The following MTF2 variants were observed in gnomAD, a reference collection of about 807,000 sequenced individuals.
The protein encoded by MTF2 is metal response element binding transcription factor 2.
A neutral mutation model predicts 79.5 loss-of-function variants in MTF2; 11 were observed. That is an observed-to-expected ratio of 0.14 (90% CI 0.09 to 0.23). The LOEUF (loss-of-function observed/expected upper bound fraction) is 0.23. Ranked by LOEUF, MTF2 falls within the 10% of genes least tolerant of loss-of-function variation. MTF2 has a pLI of 1.00. For missense variants in MTF2, 486 were observed against 711.2 expected (o/e 0.68, Z 3.60); for synonymous variants, 208 against 232.8 (o/e 0.89, Z 0.97).
At chr1:93,120,989 G>C in intron 9 of MTF2, 1 of 1,052,950 alleles carries the variant, frequency 9.5e-7, no homozygotes, top group Non-Finnish European at 1.1e-6. Context: ...TATCTTACTT[G>C]TAGTTCAACC....
At position 93,079,397 on chromosome 1, in the gene MTF2, C is replaced by A; in HGVS notation, c.-130C>A. The A allele has an allele frequency of 2.6e-6, 3 of 1,145,036 alleles. No homozygotes were observed. The highest frequency in any genetic ancestry group is 2.4e-5 in the East Asian group (1 of 42,318). The allele number at this position is 1,145,036 out of a possible 1,614,324, so 70.9% of individuals were successfully genotyped here. On this transcript the variant is annotated 5_prime_UTR_variant, in exon 1 of 15. Coordinates refer to ENST00000370298, the MANE Select transcript of MTF2 (RefSeq NM_007358.4). ...TTGTCTCCAAGGACCTCGGTTTGTG[C>A]GTGCATATGTGCCGGGTACCCGGTG...
chr1:93,094,994 G>A (rs1325572503), intron 1 of MTF2, among the ~76,000 whole-genome samples: 1 of 152,148 alleles, frequency 6.6e-6, no homozygotes, highest in Admixed American at 6.5e-5. Context: ...TACAGGATAG[G>A]AGATGTGACT....
In MTF2 at chr1:93,079,314, G is replaced by C. The variant is rs188991807; in HGVS notation, c.-213G>C. 2.5e-4 allele frequency: 148 copies of C among 599,982 alleles called. No individual in the cohort carries two copies. In the African/African-American group the frequency reaches 2.6e-3, roughly 10 times the overall value. 37.2% of individuals were successfully genotyped at this position (599,982 alleles called of 1,614,324 possible). On this transcript the variant is annotated 5_prime_UTR_variant, in exon 1 of 15. Coordinates refer to ENST00000370298, the MANE Select transcript of MTF2 (RefSeq NM_007358.4). ...CGGGAAACCAAAATGGCGAGGGGCTGTATTGAAGTGGGCTGTGTTTGAGGC... is the reference window on the plus strand; with the variant it reads ...CGGGAAACCAAAATGGCGAGGGGCTCTATTGAAGTGGGCTGTGTTTGAGGC...
chr1:93,099,485 G>C (rs1487714031), intron 1 of MTF2, among the ~76,000 whole-genome samples: 3 of 152,094 alleles, frequency 2.0e-5, no homozygotes, highest in Admixed American at 6.5e-5. Context: ...AGTGGCATCA[G>C]ATTTTTCATT....
intron 11 of MTF2, among the ~76,000 whole-genome samples, chr1:93,132,251 A>G (rs1656950220): frequency 6.6e-6 from 1 of 152,208 alleles, no homozygotes; most frequent in Non-Finnish European, 1.5e-5. Context: ...ATTAGCTACT[A>G]ATTAAGTTTT....
intron 1 of MTF2, among the ~76,000 whole-genome samples, chr1:93,082,829 A>T (rs954047684): frequency 6.6e-6 from 1 of 152,214 alleles, no homozygotes; most frequent in African/African-American, 2.4e-5. Context: ...TCCCAAAAAG[A>T]AAAGAAAATC....
chr1:93,079,655 A>G, intron 1 of MTF2, 124 bp downstream of exon 1: 1 of 1,239,606 alleles, frequency 8.1e-7, no homozygotes, highest in South Asian at 1.2e-5. Flanking sequence ...GGGCTCCTGT[A>G]TGTGGGTGCC....
At chr1:93,113,875 T>C (rs771423434) in intron 3 of MTF2, among the ~76,000 whole-genome samples, 1 of 152,164 alleles carries the variant, frequency 6.6e-6, no homozygotes, top group Non-Finnish European at 1.5e-5. Flanking sequence ...CACAAAATTA[T>C]AAGTTTTTAT....
chr1:93,134,675 C>T (rs1415736190), intron 14 of MTF2, among the ~76,000 whole-genome samples: 1 of 152,010 alleles, frequency 6.6e-6, no homozygotes, highest in African/African-American at 2.4e-5. Context: ...CAGATTGTGC[C>T]ACCACACCTA....
Position 93,121,824 on chromosome 1 carries a change from C to T in MTF2, c.921+1152C>T, listed in dbSNP as rs543017111. 1.3e-3 allele frequency: 913 copies of T among 729,824 alleles called. 2 individuals carry two copies. Among genetic ancestry groups the T allele is most frequent in the Non-Finnish European group, 1.3e-3 (783 of 615,860 alleles). The allele number at this position is 729,824 out of a possible 1,614,324, so 45.2% of individuals were successfully genotyped here. ...TTTTTTTTTTTTTTTTTTTTGGAGA[C>T]GGAGTCTTGCTCTGTCACCCAGGCT... On this transcript the variant is annotated intron_variant, in intron 9 of 14. Transcript: ENST00000370298.
chr1:93,105,770 G>T (rs947600037), intron 1 of MTF2, among the ~76,000 whole-genome samples: 1 of 152,004 alleles, frequency 6.6e-6, no homozygotes, highest in Non-Finnish European at 1.5e-5. Flanking sequence ...CCACCTCCCG[G>T]GTTCAAGCAG....
At chr1:93,090,759 G>A (rs754502729) in intron 1 of MTF2, among the ~76,000 whole-genome samples, 8 of 151,330 alleles carry the variant, frequency 5.3e-5, no homozygotes, top group Non-Finnish European at 1.0e-4. Context: ...TGCCTCCCAG[G>A]TTCATGCCGT....
At chr1:93,083,608 A>ATAACTCGGATTAGTGT (rs1654707669) in intron 1 of MTF2, among the ~76,000 whole-genome samples, 1 of 152,134 alleles carries the variant, frequency 6.6e-6, no homozygotes, top group South Asian at 2.1e-4. Flanking sequence ...GGGTCAGATG[A>ATAACTCGGATTAGTGT]TAACTCGGAT....
Position 93,120,679 on chromosome 1 carries a change from G to T in MTF2, c.921+7G>T. 1 of 1,602,774 alleles carries T rather than the reference G, an allele frequency of 6.2e-7. No individual in the cohort carries two copies. The highest frequency in any genetic ancestry group is 1.1e-5 in the South Asian group (1 of 88,162). ...TAGATTGCACCCTGGAGAGGTAGGTGGTCTGAGAACTAACTTCAGTAGCTA... is the reference window on the plus strand; with the variant it reads ...TAGATTGCACCCTGGAGAGGTAGGTTGTCTGAGAACTAACTTCAGTAGCTA... On this transcript the variant is annotated splice_region_variant and intron_variant, in intron 9 of 14. Coordinates refer to ENST00000370298, the MANE Select transcript of MTF2 (RefSeq NM_007358.4).
At chr1:93,130,493 C>T (rs1656873397) in intron 11 of MTF2, among the ~76,000 whole-genome samples, 2 of 152,068 alleles carry the variant, frequency 1.3e-5, no homozygotes, top group Non-Finnish European at 2.9e-5. Flanking sequence ...AGGAGAATCG[C>T]TTGAATCCAG....
intron 11 of MTF2, among the ~76,000 whole-genome samples, chr1:93,131,274 G>C (rs1656907885): frequency 6.6e-6 from 1 of 152,214 alleles, no homozygotes; most frequent in Non-Finnish European, 1.5e-5. Context: ...AGTGTTTCAA[G>C]AGAGATAGGT....
At chr1:93,082,525 A>G (rs1284724526) in intron 1 of MTF2, among the ~76,000 whole-genome samples, 2 of 152,130 alleles carry the variant, frequency 1.3e-5, no homozygotes, top group Non-Finnish European at 2.9e-5. Flanking sequence ...TTTGGCCTCA[A>G]GCAGTCCTCC....
chr1:93,096,022 C>A (rs1308013302), intron 1 of MTF2, among the ~76,000 whole-genome samples: 2 of 152,130 alleles, frequency 1.3e-5, no homozygotes, highest in Non-Finnish European at 2.9e-5. Flanking sequence ...GTTCTTTAGT[C>A]TTTTGAGGTT....
At chr1:93,079,863 T>G in intron 1 of MTF2, among the ~76,000 whole-genome samples, 1 of 126,136 alleles carries the variant, frequency 7.9e-6, no homozygotes, top group African/African-American at 3.1e-5. Context: ...AGGGGCAGGA[T>G]GAACCTGGTG....
Sources: allele counts gnomAD v4.1 joint callset (sites outside exome capture counted in the v4.1 genomes callset), GRCh38; gene constraint gnomAD v4.1.1; transcripts MANE v1.5; gene names NCBI Gene and HGNC (gene_info 2026-07-23, HGNC 2026-07-21).